Variants in TMEM144 observed in about 807,000 individuals in gnomAD.
The protein encoded by TMEM144 is transmembrane protein 144.
TMEM144 carries 39 observed loss-of-function variants against 43.6 expected under a neutral mutation model. The observed-to-expected ratio is 0.90, with a 90% CI of 0.69 to 1.17. The LOEUF is 1.17. Among genes scored for constraint, TMEM144 ranks in the 50% most tolerant of loss-of-function variants. The pLI is 0.00. For missense variants in TMEM144, 417 were observed against 411.9 expected, an observed-to-expected ratio of 1.01 and a Z score of -0.11; for synonymous variants, 154 against 133.6, an observed-to-expected ratio of 1.15 and a Z score of -1.06.
At chr4:158,211,049 T>C (rs1488516144) in intron 1 of TMEM144, 1 of 152,256 alleles carries the variant, frequency 6.6e-6, no homozygotes. Context: ...GGAGTGATAC[T>C]GCTTTTCTTT....
chr4:158,239,589 C>T (rs570736970), intron 9 of TMEM144, among the ~76,000 whole-genome samples: 1 of 152,288 alleles, frequency 6.6e-6, no homozygotes, highest in South Asian at 2.1e-4. Context: ...GTAAAGTTAG[C>T]ACCCCCAATT....
intron 12 of TMEM144, among the ~76,000 whole-genome samples, chr4:158,252,846 C>A (rs1281206441): frequency 6.6e-6 from 1 of 151,066 alleles, no homozygotes; most frequent in Non-Finnish European, 1.5e-5. Context: ...AAAAATAGAA[C>A]CCAAAGCATA....
chr4:158,224,712 G>T (rs896196988), intron 6 of TMEM144, among the ~76,000 whole-genome samples: 8 of 152,152 alleles, frequency 5.3e-5, no homozygotes, highest in African/African-American at 1.9e-4. Context: ...TAAGGAAAAT[G>T]AGTTCTGCGA....
At chr4:158,219,418 T>C (rs897123650) in intron 6 of TMEM144, 28 bp downstream of exon 6, 4 of 1,601,488 alleles carry the variant, frequency 2.5e-6, no homozygotes, top group Non-Finnish European at 3.4e-6. Flanking sequence ...GTGATTTTGC[T>C]GTTCTTCAAA....
chr4:158,244,367 C>T lies in TMEM144; in HGVS notation c.954+18C>T. On this transcript the variant is annotated intron_variant, in intron 12 of 12. Coordinates refer to ENST00000296529, the MANE Select transcript of TMEM144 (RefSeq NM_018342.5). ...AAATAAAGGTATGTACAAGAAAGGG[C>T]AGACTTAGAAAATGGGAATGGGGTA... is the stretch of plus-strand genomic sequence containing the variant. The T allele has an allele frequency of 1.2e-6, 2 of 1,602,326 alleles. No homozygotes were observed. The highest frequency in any genetic ancestry group is 1.7e-6 in the Non-Finnish European group (2 of 1,172,396).
At chr4:158,231,093 C>A (rs190598021) in intron 6 of TMEM144, among the ~76,000 whole-genome samples, 211 of 152,286 alleles carry the variant, frequency 1.4e-3, no homozygotes, top group African/African-American at 4.8e-3. Context: ...CTTTGATATA[C>A]AGCAGGACCC....
intron 1 of TMEM144, chr4:158,210,950 TATC>T (rs1270568920): frequency 6.6e-6 from 1 of 152,206 alleles, no homozygotes. Flanking sequence ...TTTGACAAAA[TATC>T]AGCGAACGCT....
At chr4:158,235,888 T>A (rs1735319194) in intron 8 of TMEM144, among the ~76,000 whole-genome samples, 1 of 152,168 alleles carries the variant, frequency 6.6e-6, no homozygotes, top group African/African-American at 2.4e-5. Context: ...CCCACCCTGC[T>A]CTGGGAATCC....
At chr4:158,217,562 C>A in intron 5 of TMEM144, 142 bp downstream of exon 5, 1 of 580,796 alleles carries the variant, frequency 1.7e-6, no homozygotes, top group East Asian at 2.8e-5. Flanking sequence ...TATATGCCAC[C>A]TTCTATTGCT....
At chr4:158,237,115 T>C (rs1401203181) in intron 8 of TMEM144, among the ~76,000 whole-genome samples, 1 of 152,206 alleles carries the variant, frequency 6.6e-6, no homozygotes. Context: ...AGTTCTGTGC[T>C]GGATAGCATG....
Position 158,230,825 on chromosome 4 carries a change from A to G in TMEM144, c.414-2076A>G, listed in dbSNP as rs537510973. On this transcript the variant is annotated intron_variant, in intron 6 of 12. Transcript: ENST00000296529. ...CCCTATCATAAGGGTCATGGCTGACACTCCTATAATAAAAGACAGGTTGAC... is the reference window on the plus strand; with the variant it reads ...CCCTATCATAAGGGTCATGGCTGACGCTCCTATAATAAAAGACAGGTTGAC... 1.7e-3 allele frequency among the ~76,000 whole-genome samples: 264 copies of G among 152,216 alleles called. 1 individual carries two copies. The highest frequency in any genetic ancestry group is 6.2e-3 in the African/African-American group (257 of 41,524).
intron 12 of TMEM144, among the ~76,000 whole-genome samples, chr4:158,244,908 C>T (rs956829055): frequency 6.6e-6 from 1 of 151,984 alleles, no homozygotes; most frequent in Non-Finnish European, 1.5e-5. Flanking sequence ...AAAATGCTGT[C>T]GTTGACTTAA....
chr4:158,230,890 AC>A (rs1486230555), intron 6 of TMEM144, among the ~76,000 whole-genome samples: 1 of 152,192 alleles, frequency 6.6e-6, no homozygotes. Flanking sequence ...GTTCTGCATG[AC>A]ATGGGAACCT....
intron 12 of TMEM144, among the ~76,000 whole-genome samples, chr4:158,245,266 G>GTGTGTGTGTA (rs1735836159): frequency 9.5e-6 from 1 of 104,848 alleles, no homozygotes; most frequent in African/African-American, 3.9e-5. Flanking sequence ...GTGTGTGTAT[G>GTGTGTGTGTA]TATGTTTTCT....
At chr4:158,251,824 G>T (rs550127447) in intron 12 of TMEM144, among the ~76,000 whole-genome samples, 1 of 152,248 alleles carries the variant, frequency 6.6e-6, no homozygotes, top group Non-Finnish European at 1.5e-5. Context: ...CCCCTTGTAT[G>T]ATTCTCTCTT....
chr4:158,215,375 C>A, intron 4 of TMEM144, 62 bp downstream of exon 4: 1 of 1,569,528 alleles, frequency 6.4e-7, no homozygotes, highest in Non-Finnish European at 8.7e-7. Flanking sequence ...AATTCTCGTT[C>A]ACAATAGGAG....
chr4:158,222,320 G>C (rs1203837966), intron 6 of TMEM144, among the ~76,000 whole-genome samples: 1 of 152,132 alleles, frequency 6.6e-6, no homozygotes, highest in Non-Finnish European at 1.5e-5. Flanking sequence ...AATCTGGCTT[G>C]TCCCTTACAG....
chr4:158,214,003 T>G (rs1019815065), intron 3 of TMEM144: 1 of 152,202 alleles, frequency 6.6e-6, no homozygotes, highest in Non-Finnish European at 1.5e-5. Context: ...TGAAGTTTCT[T>G]TTCATCTCTG....
At position 158,253,747 on chromosome 4, in the gene TMEM144, G is replaced by A; in HGVS notation, c.*220G>A. 1.9e-6 allele frequency: 1 copy of A among 525,548 alleles called. No homozygotes were observed. The allele number at this position is 525,548 out of a possible 1,614,324, so 32.6% of individuals were successfully genotyped here. A position where few individuals can be genotyped will look rare whatever the true frequency, so the allele number is the denominator to read the frequency against. ...AAATTTCTTCTGATGAACTGTTTAT[G>A]AAGGTAGTACTTTACTGGGTGACTA... On this transcript the variant is annotated 3_prime_UTR_variant, in exon 13 of 13. Transcript: ENST00000296529.
Sources: gnomAD v4.1 joint callset for allele counts (sites outside exome capture counted in the v4.1 genomes callset) on GRCh38, gnomAD v4.1.1 for gene constraint, MANE v1.5 for transcripts, NCBI Gene and HGNC (gene_info 2026-07-23, HGNC 2026-07-21) for gene names.